Variants in MSH3 observed in about 807,000 individuals in gnomAD.
The protein encoded by MSH3 is mutS homolog 3.
A neutral mutation model predicts 123.3 loss-of-function variants in MSH3; 106 were observed. The observed-to-expected ratio is 0.86, with a 90% CI of 0.73 to 1.01. The LOEUF is 1.01. Among genes scored for constraint, MSH3 ranks in the 50% least tolerant of loss-of-function variants. The pLI is 0.00. For synonymous variants in MSH3, 515 were observed against 481.4 expected (o/e 1.07, Z -0.91); for missense variants, 1,459 against 1,347.6 (o/e 1.08, Z -1.29).
rs748434336 is a variant in MSH3 at position 80,654,864 on chromosome 5, A to C, written c.137A>C (p.Gln46Pro). 1.3e-6 allele frequency: 2 copies of C among 1,581,200 alleles called. No individual in the cohort carries two copies. The highest frequency in any genetic ancestry group is 1.7e-6 in the Non-Finnish European group (2 of 1,164,868). The change falls in exon 1 of 24, where the codon CAG (glutamine) becomes CCG (proline). Residue 46 changes from glutamine (Q) to proline (P), a missense_variant. By Grantham distance (76) the Gln-to-Pro change is moderately conservative. Coordinates refer to ENST00000265081, the MANE Select transcript of MSH3 (RefSeq NM_002439.5). ...STSSSTGAAD[Q>P]VDPGAAAAAA... Reference sequence around the variant, plus strand: ...TCCTCCTCCACAGGTGCAGCCGACCAGGTGGACCCTGGCGCTGCAGCGGCT... The same window carrying C: ...TCCTCCTCCACAGGTGCAGCCGACCCGGTGGACCCTGGCGCTGCAGCGGCT...
intron 8 of MSH3, among the ~76,000 whole-genome samples, chr5:80,694,086 A>G (rs1392527865): frequency 6.6e-6 from 1 of 152,224 alleles, no homozygotes; most frequent in Non-Finnish European, 1.5e-5. Flanking sequence ...GGAAGTTCAT[A>G]TGGCAGAGAT....
intron 19 of MSH3, among the ~76,000 whole-genome samples, chr5:80,809,139 C>T (rs1183790994): frequency 6.6e-6 from 1 of 151,566 alleles, no homozygotes; most frequent in Non-Finnish European, 1.5e-5. Flanking sequence ...TTTATAGTTT[C>T]AAAGGAATTT....
intron 8 of MSH3, among the ~76,000 whole-genome samples, chr5:80,696,240 T>C (rs1034239353): frequency 6.6e-6 from 1 of 152,194 alleles, no homozygotes; most frequent in Non-Finnish European, 1.5e-5. Context: ...AGCCTCAGTA[T>C]TGGCCAGCAA....
intron 12 of MSH3, among the ~76,000 whole-genome samples, chr5:80,751,519 G>A (rs147217230): frequency 8.6e-4 from 131 of 152,334 alleles, no homozygotes; most frequent in African/African-American, 3.1e-3. Context: ...GGGAGAATCT[G>A]TTCTGGTCCT....
In MSH3 at chr5:80,846,596, G is replaced by A. The variant is rs561878028; in HGVS notation, c.2814-7534G>A. 3.5e-4 allele frequency among the ~76,000 whole-genome samples: 54 copies of A among 152,242 alleles called. 1 individual carries two copies. The highest frequency in any genetic ancestry group is 1.3e-3 in the African/African-American group (54 of 41,556). ...GCTTCCAGGCCACTTTGTTTACACT[G>A]TGAGCTACTCAAGCCTCAGCAATGG... is the stretch of plus-strand genomic sequence containing the variant. On this transcript the variant is annotated intron_variant, in intron 20 of 23. Transcript: ENST00000265081.
At chr5:80,739,715 A>G (rs1743577621) in intron 10 of MSH3, among the ~76,000 whole-genome samples, 1 of 152,260 alleles carries the variant, frequency 6.6e-6, no homozygotes, top group African/African-American at 2.4e-5. Context: ...CAAACCTGTC[A>G]CAGATACATT....
rs557881331 is a variant in MSH3 at position 80,784,921 on chromosome 5, CAGAAAT to C, written c.2436-2642_2436-2637del. ...AATATATTTTTCGGTTCACAAAAAA[CAGAAAT>C]AAAGCTGGATAGTTAAAATGTTGTT... On this transcript the variant is annotated intron_variant, in intron 17 of 23. Coordinates refer to ENST00000265081, the MANE Select transcript of MSH3 (RefSeq NM_002439.5). 1.7e-3 allele frequency among the ~76,000 whole-genome samples: 260 copies of C among 152,162 alleles called. 1 individual carries two copies. Among genetic ancestry groups the C allele is most frequent in the African/African-American group, 6.1e-3 (254 of 41,534 alleles).
chr5:80,779,766 G>A lies in MSH3; in HGVS notation c.2435+930G>A, dbSNP rs1043449621. Among the ~76,000 whole-genome samples, 17 of 151,218 alleles carry A rather than the reference G, an allele frequency of 1.1e-4. No individual in the cohort carries two copies. The South Asian group carries it at 2.3e-3, about 20-fold the overall frequency. On this transcript the variant is annotated intron_variant, in intron 17 of 23. Transcript: ENST00000265081. ...TTTTTAATAGAGACGGGGTTTCACC[G>A]TGTTAGCCAAGATTATCTCAATCTC... is the stretch of plus-strand genomic sequence containing the variant.
chr5:80,783,695 G>C (rs899916034), intron 17 of MSH3, among the ~76,000 whole-genome samples: 1 of 152,046 alleles, frequency 6.6e-6, no homozygotes, highest in Non-Finnish European at 1.5e-5. Flanking sequence ...TTGAGGACCT[G>C]GGCAGGACCT....
intron 15 of MSH3, among the ~76,000 whole-genome samples, chr5:80,771,473 G>A (rs1744211501): frequency 1.4e-5 from 2 of 143,170 alleles, no homozygotes; most frequent in Admixed American, 1.4e-4. Flanking sequence ...GAGAAACCCT[G>A]TCTCAAAAAA....
intron 16 of MSH3, among the ~76,000 whole-genome samples, chr5:80,776,930 T>TATATATA (rs1451848777): frequency 3.5e-5 from 4 of 114,678 alleles, no homozygotes; most frequent in African/African-American, 1.3e-4. Flanking sequence ...ATATATATAT[T>TATATATA]TTTTTTTTTT....
At chr5:80,782,606 A>T (rs1744430579) in intron 17 of MSH3, among the ~76,000 whole-genome samples, 1 of 152,220 alleles carries the variant, frequency 6.6e-6, no homozygotes, top group African/African-American at 2.4e-5. Flanking sequence ...TGATTTCAGA[A>T]GTTCCTATAA....
intron 23 of MSH3, 109 bp downstream of exon 23, chr5:80,873,396 C>A: frequency 9.3e-7 from 1 of 1,076,946 alleles, no homozygotes; most frequent in South Asian, 1.4e-5. Flanking sequence ...TTAAGCACCT[C>A]TTCAAATATT....
Position 80,854,317 on chromosome 5 carries a change from G to A in MSH3, c.3000+1G>A. 1 of 1,612,182 alleles carries A rather than the reference G, an allele frequency of 6.2e-7. No homozygotes were observed. Among genetic ancestry groups the A allele is most frequent in the Non-Finnish European group, 8.5e-7 (1 of 1,178,406 alleles). On this transcript the variant is annotated splice_donor_variant, in intron 21 of 23. Coordinates refer to ENST00000265081, the MANE Select transcript of MSH3 (RefSeq NM_002439.5). LOFTEE classifies it high-confidence loss of function. ...TACACTTGAGTATTTCATCAGAGAT[G>A]TAAGTATCCGGTAAACTGTATTTAA...
At chr5:80,872,622 A>G (rs1018591831) in intron 22 of MSH3, among the ~76,000 whole-genome samples, 3 of 152,228 alleles carry the variant, frequency 2.0e-5, no homozygotes, top group African/African-American at 7.2e-5. Context: ...CCTGAGCAAC[A>G]TAGCAAGACC....
chr5:80,725,460 G>A lies in MSH3; in HGVS notation c.1348G>A (p.Asp450Asn), dbSNP rs1743268855. Residue 450 changes from aspartate to asparagine, a missense_variant, in exon 9 of 24, where the codon GAT (aspartate) becomes AAT (asparagine). Asp to Asn is a conservative substitution (Grantham distance 23). Coordinates refer to ENST00000265081, the MANE Select transcript of MSH3 (RefSeq NM_002439.5). ...IHRATSVSVQ[D>N]DRIRVERMDN... The stretch of plus-strand genomic sequence containing the variant: ...TTTCCTTTTTTCTTTCAGTGTGCAG[G>A]ATGACAGAATTCGAGTCGAAAGGAT... 1 of 1,612,258 alleles carries A rather than the reference G, an allele frequency of 6.2e-7. No individual in the cohort carries two copies. The highest frequency in any genetic ancestry group is 1.1e-5 in the South Asian group (1 of 91,030).
chr5:80,772,444 G>A (rs1415493308), intron 15 of MSH3, among the ~76,000 whole-genome samples: 40 of 152,102 alleles, frequency 2.6e-4, no homozygotes, highest in Non-Finnish European at 1.0e-4. Flanking sequence ...GCCTAGCAAC[G>A]TTGCCAGCCC....
chr5:80,728,677 T>C lies in MSH3; in HGVS notation c.1454-174T>C, dbSNP rs1473335275. Among the ~76,000 whole-genome samples the C allele has an allele frequency of 2.6e-5, 4 of 152,352 alleles. No individual in the cohort carries two copies. The East Asian group carries it at 5.8e-4, about 22-fold the overall frequency. ...GGGTATTAGTAATGATTTACATTTT[T>C]CCAAAGGTCAATTTTAGGAGATATT... On this transcript the variant is annotated intron_variant, in intron 9 of 23. Coordinates refer to ENST00000265081, the MANE Select transcript of MSH3 (RefSeq NM_002439.5).
chr5:80,657,290 A>C (rs1395486145), intron 2 of MSH3, among the ~76,000 whole-genome samples: 3 of 152,048 alleles, frequency 2.0e-5, no homozygotes, highest in Admixed American at 2.0e-4. Flanking sequence ...AAAATACAAA[A>C]ATTAGTTGGG....
Sources: allele counts gnomAD v4.1 joint callset (sites outside exome capture counted in the v4.1 genomes callset), GRCh38; gene constraint gnomAD v4.1.1; transcripts MANE v1.5; gene names NCBI Gene and HGNC (gene_info 2026-07-23, HGNC 2026-07-21).